The following NAALADL2 variants were observed in gnomAD, a reference collection of about 807,000 sequenced individuals.
NAALADL2 encodes N-acetylated alpha-linked acidic dipeptidase like 2.
A neutral mutation model predicts 87.2 loss-of-function variants in NAALADL2; 76 were observed. The ratio of observed to expected loss-of-function variants is 0.87; its 90% confidence interval spans 0.72 to 1.05. The LOEUF (loss-of-function observed/expected upper bound fraction) is 1.05. Ranked by LOEUF, NAALADL2 falls within the 50% of genes least tolerant of loss-of-function variation. The pLI, the probability that NAALADL2 is intolerant of heterozygous loss-of-function variation, is 0.00. For synonymous variants in NAALADL2, 354 were observed against 331.0 expected (o/e 1.07, Z -0.75); for missense variants, 1,089 against 945.8 (o/e 1.15, Z -1.99).
At chr3:174,956,430 T>C (rs1242162554) in intron 1 of NAALADL2, among the ~76,000 whole-genome samples, 1 of 152,142 alleles carries the variant, frequency 6.6e-6, no homozygotes, top group Non-Finnish European at 1.5e-5. Flanking sequence ...TAGGTTCTGC[T>C]TCTTTCATCG....
At chr3:174,800,808 C>T (rs1718735202) in intron 3 of NAALADL2, among the ~76,000 whole-genome samples, 1 of 152,226 alleles carries the variant, frequency 6.6e-6, no homozygotes, top group Non-Finnish European at 1.5e-5. Flanking sequence ...GAAGCCACTT[C>T]TTGCATCAGC....
chr3:175,035,956 T>C (rs1004443021), intron 1 of NAALADL2, among the ~76,000 whole-genome samples: 1 of 152,162 alleles, frequency 6.6e-6, no homozygotes, highest in Non-Finnish European at 1.5e-5. Context: ...TCAGAATGAA[T>C]GCATTTAGCT....
In NAALADL2 at chr3:175,227,148, T is replaced by C. The variant is rs1408291027; in HGVS notation, c.546-6783T>C. On this transcript the variant is annotated intron_variant, in intron 2 of 13. Transcript: ENST00000454872. ...TACTTCTAGTTCATCGTTCTTTAGA[T>C]GTTTTTGTTCCCCATTCATTTACAG... 5.9e-5 allele frequency among the ~76,000 whole-genome samples: 9 copies of C among 152,062 alleles called. No homozygotes were observed. In the East Asian group the frequency reaches 1.5e-3, roughly 26 times the overall value.
chr3:175,092,020 A>G (rs1232778100), intron 1 of NAALADL2, among the ~76,000 whole-genome samples: 1 of 151,900 alleles, frequency 6.6e-6, no homozygotes, highest in African/African-American at 2.4e-5. Flanking sequence ...TCTTAGCTCT[A>G]TAGAATTCGT....
chr3:175,114,409 G>T (rs115529250), intron 2 of NAALADL2, among the ~76,000 whole-genome samples: 3,101 of 151,752 alleles, frequency 0.02, 52 homozygotes, highest in Admixed American at 0.031. Flanking sequence ...TAAGATTTCT[G>T]CTATAAGGTA....
intron 2 of NAALADL2, among the ~76,000 whole-genome samples, chr3:174,687,126 A>G (rs1166699394): frequency 6.6e-6 from 1 of 152,014 alleles, no homozygotes; most frequent in Non-Finnish European, 1.5e-5. Context: ...TTTATCTCCT[A>G]ATCCTCTCCA....
At chr3:175,503,611 A>T (rs996580930) in intron 9 of NAALADL2, among the ~76,000 whole-genome samples, 4 of 152,108 alleles carry the variant, frequency 2.6e-5, no homozygotes, top group Non-Finnish European at 4.4e-5. Flanking sequence ...TTGACTTCTT[A>T]ATAATAGCCA....
At chr3:175,575,471 G>T (rs997733222) in intron 9 of NAALADL2, among the ~76,000 whole-genome samples, 2 of 151,838 alleles carry the variant, frequency 1.3e-5, no homozygotes, top group African/African-American at 4.8e-5. Flanking sequence ...TTTTAGTAGG[G>T]ACGAGCTTTC....
chr3:175,457,020 TAC>T (rs1202889364), intron 6 of NAALADL2, among the ~76,000 whole-genome samples: 1 of 152,096 alleles, frequency 6.6e-6, no homozygotes, highest in Non-Finnish European at 1.5e-5. Flanking sequence ...ACAGTAATAC[TAC>T]AGAGTGAGAC....
At chr3:175,643,630 G>T (rs1057221560) in intron 11 of NAALADL2, among the ~76,000 whole-genome samples, 4 of 152,156 alleles carry the variant, frequency 2.6e-5, no homozygotes, top group Non-Finnish European at 5.9e-5. Context: ...TCAGAAAAAT[G>T]ATTGTCAGTG....
intron 5 of NAALADL2, among the ~76,000 whole-genome samples, chr3:175,434,472 T>A (rs76063923): frequency 0.039 from 5,945 of 152,034 alleles, 288 homozygotes; most frequent in East Asian, 0.14. Context: ...TCTAGCAACA[T>A]CTATATCAGG....
At chr3:174,580,302 G>T (rs988176785) in intron 2 of NAALADL2, among the ~76,000 whole-genome samples, 1 of 151,922 alleles carries the variant, frequency 6.6e-6, no homozygotes, top group Non-Finnish European at 1.5e-5. Flanking sequence ...AATTGCTGTT[G>T]CTCTCATAAT....
intron 9 of NAALADL2, among the ~76,000 whole-genome samples, chr3:175,522,817 G>A (rs1426962888): frequency 6.6e-6 from 1 of 152,150 alleles, no homozygotes; most frequent in African/African-American, 2.4e-5. Flanking sequence ...TTGGTAAACT[G>A]TAGTTGGGGA....
At chr3:175,223,320 A>G (rs1315736013) in intron 2 of NAALADL2, among the ~76,000 whole-genome samples, 2 of 149,136 alleles carry the variant, frequency 1.3e-5, no homozygotes, top group African/African-American at 2.5e-5. Context: ...ACCATGCTAC[A>G]TTCTGATTCT....
intron 10 of NAALADL2, among the ~76,000 whole-genome samples, chr3:175,584,442 A>G (rs1720255300): frequency 6.6e-6 from 1 of 152,202 alleles, no homozygotes; most frequent in African/African-American, 2.4e-5. Flanking sequence ...ATTCCAACCT[A>G]ACATTCTATC....
In NAALADL2 at chr3:175,471,695, C is replaced by T. The variant is rs749298959; in HGVS notation, c.1590C>T (p.Pro530=). 10 of 1,597,528 alleles carry T rather than the reference C, an allele frequency of 6.3e-6. No homozygotes were observed. Among genetic ancestry groups the T allele is most frequent in the Non-Finnish European group, 8.6e-6 (10 of 1,167,106 alleles). Residue 530 remains proline (P), a synonymous_variant, in exon 9 of 14, where the codon CCC becomes CCT. Coordinates refer to ENST00000454872, the MANE Select transcript of NAALADL2 (RefSeq NM_207015.3). ...TGGCTTATATTAGCCTCCACAGTCC[C>T]ATAAGGGGGAACTCTAGTCTGTATC... ...NVVAYISLHS[P]IRGNSSLYPV... is the part of the protein sequence containing the mutation.
intron 9 of NAALADL2, among the ~76,000 whole-genome samples, chr3:175,545,349 T>C (rs1713113857): frequency 6.6e-6 from 1 of 152,178 alleles, no homozygotes; most frequent in South Asian, 2.1e-4. Context: ...TCTTTAAATA[T>C]AACAATAATG....
chr3:175,161,349 G>T (rs537989152), intron 2 of NAALADL2, among the ~76,000 whole-genome samples: 6 of 152,210 alleles, frequency 3.9e-5, no homozygotes, highest in Admixed American at 3.3e-4. Flanking sequence ...AAAGATGGGT[G>T]TGGAGGAAAT....
chr3:175,061,622 A>G (rs1216279243), intron 1 of NAALADL2, among the ~76,000 whole-genome samples: 1 of 152,012 alleles, frequency 6.6e-6, no homozygotes, highest in Non-Finnish European at 1.5e-5. Context: ...AATCAAAAAT[A>G]TCTAAATTTC....
Sources: allele counts gnomAD v4.1 joint callset (sites outside exome capture counted in the v4.1 genomes callset), GRCh38; gene constraint gnomAD v4.1.1; transcripts MANE v1.5; gene names NCBI Gene and HGNC (gene_info 2026-07-23, HGNC 2026-07-21).